The following ADAMTS9 variants were observed in gnomAD, a reference collection of about 807,000 sequenced individuals.
The protein encoded by ADAMTS9 is A disintegrin and metalloproteinase with thrombospondin motifs 9.
In ADAMTS9, 107 loss-of-function variants were observed where a neutral mutation model predicts 257.1. That is an observed-to-expected ratio of 0.42 (90% CI 0.36 to 0.49). The LOEUF (loss-of-function observed/expected upper bound fraction) is 0.49. Ranked by LOEUF, ADAMTS9 falls within the 20% of genes least tolerant of loss-of-function variation. The probability of loss-of-function intolerance (pLI) is 0.03; values close to 1 mark genes in which losing one functional copy is unlikely to be tolerated. For synonymous variants in ADAMTS9, 982 were observed against 880.9 expected (o/e 1.11, Z -2.03); for missense variants, 2,353 against 2,469.1 (o/e 0.95, Z 1.00).
In ADAMTS9 at chr3:64,686,282, C is replaced by T. The variant is rs1417816705; in HGVS notation, c.516+286G>A. ...TTCTCCGAGTTTGGAAACTGACTTC[C>T]AGGCCGCCTCGCAGCGTTGGGCAAC... is the stretch of plus-strand genomic sequence containing the variant. On this transcript the variant is annotated intron_variant, in intron 2 of 39. Coordinates refer to ENST00000498707, the MANE Select transcript of ADAMTS9 (RefSeq NM_182920.2). The surrounding 1 kb of genome is among the most constrained non-coding windows in gnomAD (Gnocchi z 4.6). Among the ~76,000 whole-genome samples the T allele has an allele frequency of 1.3e-5, 2 of 152,242 alleles. No homozygotes were observed. Among genetic ancestry groups the T allele is most frequent in the Non-Finnish European group, 2.9e-5 (2 of 68,052 alleles).
At chr3:64,645,992 C>T (rs897904309) in intron 11 of ADAMTS9, among the ~76,000 whole-genome samples, 6 of 152,240 alleles carry the variant, frequency 3.9e-5, no homozygotes, top group African/African-American at 1.4e-4. Context: ...GGTAACCATA[C>T]TGCTATCTGG....
Position 64,613,188 on chromosome 3 carries a change from T to C in ADAMTS9, c.3354+157A>G, listed in dbSNP as rs4688491. On this transcript the variant is annotated intron_variant, in intron 22 of 39. Coordinates refer to ENST00000498707, the MANE Select transcript of ADAMTS9 (RefSeq NM_182920.2). ...AATCCTTGGAAGGGGGGCAAAATGGTTGCAGAGTTACATGTGCTTGATCCA... is the reference window on the plus strand; with the variant it reads ...AATCCTTGGAAGGGGGGCAAAATGGCTGCAGAGTTACATGTGCTTGATCCA... Among the ~76,000 whole-genome samples, 38,262 of 152,104 alleles carry C rather than the reference T, an allele frequency of 0.25. 6,051 individuals carry two copies. The highest frequency in any genetic ancestry group is 0.52 in the East Asian group (2,712 of 5,166).
chr3:64,631,005 G>A (rs1251770807), intron 16 of ADAMTS9, among the ~76,000 whole-genome samples: 1 of 152,140 alleles, frequency 6.6e-6, no homozygotes, highest in Non-Finnish European at 1.5e-5. Flanking sequence ...CAACGAACAG[G>A]CATAATGAAA....
intron 26 of ADAMTS9, among the ~76,000 whole-genome samples, chr3:64,597,515 C>T (rs1299488847): frequency 6.6e-6 from 1 of 152,220 alleles, no homozygotes; most frequent in African/African-American, 2.4e-5. Flanking sequence ...ATTTAGACAT[C>T]ATTTCCTAGC....
chr3:64,561,284 A>C, intron 30 of ADAMTS9: 8 of 250,192 alleles, frequency 3.2e-5, no homozygotes, highest in South Asian at 1.2e-4. Context: ...CCTTCTGTGA[A>C]AGATATCTGA....
intron 36 of ADAMTS9, among the ~76,000 whole-genome samples, chr3:64,539,674 C>T (rs2083095963): frequency 6.6e-6 from 1 of 152,170 alleles, no homozygotes; most frequent in South Asian, 2.1e-4. Flanking sequence ...GCATCACAGG[C>T]TTCAGGCCAG....
At chr3:64,544,230 C>T (rs1466544895) in intron 32 of ADAMTS9, among the ~76,000 whole-genome samples, 1 of 152,164 alleles carries the variant, frequency 6.6e-6, no homozygotes, top group African/African-American at 2.4e-5. Flanking sequence ...CATCAAGCTA[C>T]CAATGCCTTT....
chr3:64,643,445 A>ATTTTTTT (rs57471985), intron 11 of ADAMTS9, among the ~76,000 whole-genome samples: 2 of 61,404 alleles, frequency 3.3e-5, no homozygotes, highest in Admixed American at 2.4e-4. Flanking sequence ...TTACTCAATA[A>ATTTTTTT]TTTTTTTTTT....
chr3:64,648,138 A>G (rs369739035), intron 10 of ADAMTS9, 94 bp from the exon 11 acceptor site: 146 of 1,110,294 alleles, frequency 1.3e-4, no homozygotes, highest in South Asian at 8.3e-4. Context: ...TGTTTCACCA[A>G]TGACATAGGG....
At chr3:64,534,813 C>G (rs2371527) in intron 37 of ADAMTS9, among the ~76,000 whole-genome samples, 130,683 of 152,026 alleles carry the variant, frequency 0.86, 57,559 homozygotes, top group Non-Finnish European at 0.96. Flanking sequence ...TGGCATCTGG[C>G]GGGTAGAGAC....
intron 3 of ADAMTS9, among the ~76,000 whole-genome samples, chr3:64,662,873 A>G (rs1025536726): frequency 3.9e-5 from 6 of 152,140 alleles, no homozygotes; most frequent in Non-Finnish European, 8.8e-5. Context: ...CAAGTGGAAA[A>G]TTCCACACAT....
chr3:64,532,683 A>T (rs1033365531), intron 38 of ADAMTS9, among the ~76,000 whole-genome samples: 1 of 152,204 alleles, frequency 6.6e-6, no homozygotes, highest in Non-Finnish European at 1.5e-5. Flanking sequence ...TTAGAGGGTG[A>T]AAAACTTATT....
At chr3:64,641,097 A>G (rs1269687562) in intron 12 of ADAMTS9, among the ~76,000 whole-genome samples, 2 of 152,020 alleles carry the variant, frequency 1.3e-5, no homozygotes, top group Non-Finnish European at 2.9e-5. Flanking sequence ...GGAAAAAAAG[A>G]AAAAAAATAA....
chr3:64,660,709 A>T (rs1434646807), intron 3 of ADAMTS9, among the ~76,000 whole-genome samples: 1 of 152,212 alleles, frequency 6.6e-6, no homozygotes. Context: ...ACTTAATGAC[A>T]GCCTCACAGT....
At chr3:64,587,897 A>G (rs2084189362) in intron 28 of ADAMTS9, 1 of 152,120 alleles carries the variant, frequency 6.6e-6, no homozygotes, top group Non-Finnish European at 1.5e-5. Flanking sequence ...CAAAGGGAAA[A>G]AGTACCCTCA....
intron 3 of ADAMTS9, among the ~76,000 whole-genome samples, chr3:64,671,204 A>G (rs1309764787): frequency 1.3e-5 from 2 of 152,230 alleles, no homozygotes; most frequent in South Asian, 4.1e-4. Flanking sequence ...ATAAAAAAGG[A>G]TGAAATTACT....
intron 14 of ADAMTS9, among the ~76,000 whole-genome samples, chr3:64,632,184 G>A (rs1459121311): frequency 1.3e-5 from 2 of 152,104 alleles, no homozygotes; most frequent in South Asian, 2.1e-4. Flanking sequence ...ATCAGAGTTG[G>A]CATTTTAATA....
intron 28 of ADAMTS9, among the ~76,000 whole-genome samples, chr3:64,580,436 T>A (rs1439451463): frequency 6.6e-6 from 1 of 152,270 alleles, no homozygotes; most frequent in South Asian, 2.1e-4. Flanking sequence ...CTACAGCCAG[T>A]CCCCACGAAG....
chr3:64,561,543 A>G (rs1461402764), intron 30 of ADAMTS9, 35 bp downstream of exon 30: 1 of 1,594,986 alleles, frequency 6.3e-7, no homozygotes, highest in Non-Finnish European at 8.5e-7. Context: ...CACACGTGAA[A>G]TGCCTGGCAG....
Sources: allele counts gnomAD v4.1 joint callset (sites outside exome capture counted in the v4.1 genomes callset), GRCh38; gene constraint gnomAD v4.1.1; non-coding constraint Gnocchi (gnomAD v3.1); transcripts MANE v1.5; gene names NCBI Gene and HGNC (gene_info 2026-07-23, HGNC 2026-07-21).